Variants in GPC5 observed in about 807,000 individuals in gnomAD.
The protein encoded by GPC5 is glypican-5.
In GPC5, 47 loss-of-function variants were observed where a neutral mutation model predicts 53.9. That is an observed-to-expected ratio of 0.87 (90% CI 0.69 to 1.11). The LOEUF (loss-of-function observed/expected upper bound fraction) is 1.11, where lower values mean the gene tolerates loss of function less well. GPC5 is among the 50% of genes most tolerant of loss of function. The probability of loss-of-function intolerance (pLI) is 0.00; values close to 1 mark genes in which losing one functional copy is unlikely to be tolerated. For missense variants in GPC5, 748 were observed against 713.1 expected, an observed-to-expected ratio of 1.05 and a Z score of -0.56; for synonymous variants, 286 against 263.3, an observed-to-expected ratio of 1.09 and a Z score of -0.84.
chr13:91,586,526 A>G (rs1377783559), intron 2 of GPC5, among the ~76,000 whole-genome samples: 7 of 31,070 alleles, frequency 2.3e-4, no homozygotes, highest in African/African-American at 1.7e-3. Flanking sequence ...ATATATATAT[A>G]TATATATATA....
At chr13:91,999,257 A>C (rs2040532965) in intron 6 of GPC5, among the ~76,000 whole-genome samples, 1 of 152,096 alleles carries the variant, frequency 6.6e-6, no homozygotes, top group African/African-American at 2.4e-5. Flanking sequence ...AGCTTAATGC[A>C]GGAAATTATC....
chr13:91,726,558 C>T (rs2036579984), intron 3 of GPC5, among the ~76,000 whole-genome samples: 1 of 152,184 alleles, frequency 6.6e-6, no homozygotes, highest in Non-Finnish European at 1.5e-5. Context: ...ACCCATCTTT[C>T]CAAGCAAAGC....
At position 92,580,779 on chromosome 13, in the gene GPC5, C is replaced by T. The variant is rs575108829; in HGVS notation, c.1562-285503C>T. ...CGAGGACAGCACCAAGAGGATGGTG[C>T]TAAACTGTTCATGAGAAATTCACCT... is the stretch of plus-strand genomic sequence containing the variant. On this transcript the variant is annotated intron_variant, in intron 7 of 7. Transcript: ENST00000377067. 1.6e-4 allele frequency among the ~76,000 whole-genome samples: 25 copies of T among 152,200 alleles called. No individual in the cohort carries two copies. In the South Asian group the frequency reaches 4.6e-3, roughly 28 times the overall value.
intron 7 of GPC5, among the ~76,000 whole-genome samples, chr13:92,539,232 TGAG>T (rs1348630344): frequency 6.6e-6 from 1 of 151,776 alleles, no homozygotes; most frequent in Non-Finnish European, 1.5e-5. Flanking sequence ...TCTAGATCCT[TGAG>T]GAATCGCCAC....
At chr13:92,028,185 T>C (rs2138801702) in intron 6 of GPC5, among the ~76,000 whole-genome samples, 1 of 152,288 alleles carries the variant, frequency 6.6e-6, no homozygotes, top group Middle Eastern at 3.4e-3. Context: ...AAATGGTTTA[T>C]ACCTGCTTGC....
chr13:91,561,484 T>G (rs1334381499), intron 2 of GPC5, among the ~76,000 whole-genome samples: 1 of 152,192 alleles, frequency 6.6e-6, no homozygotes, highest in Admixed American at 6.6e-5. Context: ...AGGTGGATCT[T>G]TTACAATAAC....
At chr13:92,162,005 A>ATGTAGTTC (rs1460011105) in intron 7 of GPC5, among the ~76,000 whole-genome samples, 11 of 136,598 alleles carry the variant, frequency 8.1e-5, no homozygotes, top group Non-Finnish European at 1.7e-4. Context: ...ATGAAACTAA[A>ATGTAGTTC]TGTAGTTCTC....
intron 7 of GPC5, among the ~76,000 whole-genome samples, chr13:92,801,697 C>A (rs1876915354): frequency 6.6e-6 from 1 of 151,436 alleles, no homozygotes; most frequent in African/African-American, 2.4e-5. Context: ...ATTGATGATC[C>A]TGATTTTGTC....
intron 3 of GPC5, among the ~76,000 whole-genome samples, chr13:91,705,632 T>C (rs1332128979): frequency 6.6e-6 from 1 of 151,980 alleles, no homozygotes; most frequent in Non-Finnish European, 1.5e-5. Context: ...TACCTTCAGG[T>C]TTTGGTCTAA....
At chr13:91,880,235 T>C (rs2039249495) in intron 5 of GPC5, among the ~76,000 whole-genome samples, 2 of 152,206 alleles carry the variant, frequency 1.3e-5, no homozygotes, top group Non-Finnish European at 2.9e-5. Context: ...AAACACGTAT[T>C]TAACTTTCTA....
intron 7 of GPC5, among the ~76,000 whole-genome samples, chr13:92,359,334 C>T (rs2043547471): frequency 6.6e-6 from 1 of 151,672 alleles, no homozygotes; most frequent in Non-Finnish European, 1.5e-5. Context: ...TCACCCTGGA[C>T]TTTATTGTCC....
chr13:91,490,576 A>G (rs1225129625), intron 2 of GPC5, among the ~76,000 whole-genome samples: 1 of 152,206 alleles, frequency 6.6e-6, no homozygotes, highest in African/African-American at 2.4e-5. Flanking sequence ...AGCTAATGAT[A>G]AATAAATATT....
At chr13:92,671,269 T>C (rs570435401) in intron 7 of GPC5, among the ~76,000 whole-genome samples, 5 of 152,242 alleles carry the variant, frequency 3.3e-5, no homozygotes, top group Admixed American at 3.3e-4. Context: ...TTGTAATCCA[T>C]GGTTTATTCT....
At chr13:92,182,852 G>C (rs182917158) in intron 7 of GPC5, among the ~76,000 whole-genome samples, 200 of 149,908 alleles carry the variant, frequency 1.3e-3, no homozygotes, top group African/African-American at 4.8e-3. Flanking sequence ...CTGGGCAACA[G>C]AGCGAGACTC....
intron 7 of GPC5, among the ~76,000 whole-genome samples, chr13:92,755,127 ATC>A (rs1489213275): frequency 6.8e-6 from 1 of 147,024 alleles, no homozygotes; most frequent in Non-Finnish European, 1.5e-5. Context: ...ATAACAAACT[ATC>A]TCTCAGACCA....
intron 7 of GPC5, among the ~76,000 whole-genome samples, chr13:92,242,867 A>G (rs1297488679): frequency 6.6e-6 from 1 of 152,188 alleles, no homozygotes; most frequent in African/African-American, 2.4e-5. Flanking sequence ...AACAATCTGT[A>G]AGAAAGAAAT....
chr13:92,460,792 A>G (rs1040014605), intron 7 of GPC5, among the ~76,000 whole-genome samples: 1 of 148,400 alleles, frequency 6.7e-6, no homozygotes, highest in Middle Eastern at 3.5e-3. Context: ...ATGTTAAAGT[A>G]TGTGTGAAAG....
At chr13:91,534,701 A>G (rs892571418) in intron 2 of GPC5, among the ~76,000 whole-genome samples, 8 of 152,224 alleles carry the variant, frequency 5.3e-5, no homozygotes, top group African/African-American at 1.7e-4. Flanking sequence ...TTTTGACCAC[A>G]CTCATTAACC....
chr13:91,490,430 G>A (rs1281446354), intron 2 of GPC5, among the ~76,000 whole-genome samples: 1 of 152,038 alleles, frequency 6.6e-6, no homozygotes, highest in African/African-American at 2.4e-5. Context: ...TGGTAGACTA[G>A]GATATTTAAG....
Sources: allele counts gnomAD v4.1 joint callset (sites outside exome capture counted in the v4.1 genomes callset), GRCh38; gene constraint gnomAD v4.1.1; transcripts MANE v1.5; gene names NCBI Gene and HGNC (gene_info 2026-07-23, HGNC 2026-07-21).